Variants in CAPN8 observed in about 807,000 individuals in gnomAD.
CAPN8 encodes the protein calpain 8.
In CAPN8, 87 loss-of-function variants were observed where a neutral mutation model predicts 80.9. That is an observed-to-expected ratio of 1.07 (90% CI 0.90 to 1.28). The LOEUF (loss-of-function observed/expected upper bound fraction) is 1.28, where lower values mean the gene tolerates loss of function less well. CAPN8 is among the 50% of genes most tolerant of loss of function. The probability of loss-of-function intolerance (pLI) is 0.00; values close to 1 mark genes in which losing one functional copy is unlikely to be tolerated. For missense variants in CAPN8, 757 were observed against 702.0 expected (o/e 1.08, Z -0.89); for synonymous variants, 299 against 273.8 (o/e 1.09, Z -0.91).
At chr1:223,638,806 C>G (rs1022848344) in intron 2 of CAPN8, among the ~76,000 whole-genome samples, 2 of 152,214 alleles carry the variant, frequency 1.3e-5, no homozygotes, top group Admixed American at 1.3e-4. Flanking sequence ...CCATTCACCC[C>G]GTTACCACCT....
intron 2 of CAPN8, among the ~76,000 whole-genome samples, chr1:223,645,587 T>C (rs1658169475): frequency 2.0e-5 from 3 of 152,164 alleles, no homozygotes; most frequent in African/African-American, 7.2e-5. Flanking sequence ...CATTGCCCTG[T>C]TAAATGATGG....
intron 9 of CAPN8, chr1:223,617,234 C>G (rs1278897796): frequency 2.0e-5 from 3 of 148,472 alleles, no homozygotes; most frequent in Non-Finnish European, 4.5e-5. Context: ...AGTAGGATTA[C>G]TTATTCAATT....
intron 9 of CAPN8, among the ~76,000 whole-genome samples, chr1:223,616,642 T>G (rs1558341735): frequency 6.6e-6 from 1 of 152,170 alleles, no homozygotes; most frequent in Non-Finnish European, 1.5e-5. Context: ...CGTGACACTA[T>G]TAAGACAACT....
At chr1:223,556,883 G>A (rs910000087) in intron 13 of CAPN8, among the ~76,000 whole-genome samples, 6 of 152,184 alleles carry the variant, frequency 3.9e-5, no homozygotes, top group Admixed American at 6.5e-5. Flanking sequence ...CACCGTGAGC[G>A]ATAAGTCCTC....
chr1:223,665,532 A>T lies in CAPN8; in HGVS notation c.115T>A (p.Cys39Ser), dbSNP rs368586477. The T allele has an allele frequency of 4.1e-5, 63 of 1,551,640 alleles. No homozygotes were observed. Among genetic ancestry groups the T allele is most frequent in the Admixed American group, 2.0e-5 (1 of 50,992 alleles). The change falls in exon 1 of 21, where the codon TGC becomes AGC. Residue 39 changes from cysteine (C) to serine (S), a missense_variant. Transcript: ENST00000366872. ...GQDFKTLRQQ[C>S]LDSGVLFKDP... Reference sequence around the variant, plus strand: ...TTAAATAGGACCCCTGAGTCCAAGCACTGTTGCCTCAGGGTCTTGAAATCC... The same window carrying T: ...TTAAATAGGACCCCTGAGTCCAAGCTCTGTTGCCTCAGGGTCTTGAAATCC...
chr1:223,625,939 C>G, intron 5 of CAPN8, 51 bp from the exon 6 acceptor site: 1 of 1,445,088 alleles, frequency 6.9e-7, no homozygotes, highest in Non-Finnish European at 9.5e-7. Context: ...CTCTCAGGGG[C>G]CGGCCGTAGA....
rs374239437 is a variant in CAPN8 at position 223,665,400 on chromosome 1, G to A, written c.237+10C>T. The A allele has an allele frequency of 7.8e-6, 12 of 1,547,544 alleles. No homozygotes were observed. Among genetic ancestry groups the A allele is most frequent in the South Asian group, 4.8e-5 (4 of 83,924 alleles). On this transcript the variant is annotated intron_variant, in intron 1 of 20. Transcript: ENST00000366872. ...TTGTATGTCACTCAACAGCAAGCCC[G>A]CTTCCTTACCGTGGGCCGCTTCCAG...
chr1:223,615,656 C>A (rs1657148598), intron 10 of CAPN8: 1 of 476,654 alleles, frequency 2.1e-6, no homozygotes, highest in Non-Finnish European at 4.1e-6. Flanking sequence ...ATGTTCTTGG[C>A]TCTTGTCCCT....
intron 1 of CAPN8, among the ~76,000 whole-genome samples, chr1:223,662,743 G>A (rs1658680939): frequency 6.6e-6 from 1 of 152,170 alleles, no homozygotes; most frequent in South Asian, 2.1e-4. Context: ...CACATTTCTG[G>A]ATACCCTGAT....
intron 2 of CAPN8, among the ~76,000 whole-genome samples, chr1:223,645,497 C>T (rs1324909362): frequency 6.6e-6 from 1 of 152,100 alleles, no homozygotes; most frequent in East Asian, 1.9e-4. Context: ...AGCAGACACG[C>T]AAAACAAGTC....
intron 2 of CAPN8, among the ~76,000 whole-genome samples, chr1:223,648,364 A>G (rs1658248139): frequency 6.6e-6 from 1 of 152,212 alleles, no homozygotes; most frequent in African/African-American, 2.4e-5. Flanking sequence ...ATCAATGAGT[A>G]GATTTGGCCC....
At chr1:223,643,793 C>T (rs1283781334) in intron 2 of CAPN8, among the ~76,000 whole-genome samples, 1 of 152,192 alleles carries the variant, frequency 6.6e-6, no homozygotes, top group Non-Finnish European at 1.5e-5. Context: ...AGAAAGTCCC[C>T]AGGGTCCGCA....
chr1:223,618,444 C>T (rs1657270077), intron 9 of CAPN8, among the ~76,000 whole-genome samples: 1 of 152,226 alleles, frequency 6.6e-6, no homozygotes, highest in South Asian at 2.1e-4. Flanking sequence ...GCCATCACGG[C>T]CCACGCTGTC....
intron 2 of CAPN8, among the ~76,000 whole-genome samples, chr1:223,629,232 T>TGTGTGTGTGTGTGTGTGTATG (rs68132305): frequency 6.8e-5 from 9 of 132,618 alleles, no homozygotes; most frequent in Admixed American, 7.5e-5. Context: ...GTGTGTGTGT[T>TGTGTGTGTGTGTGTGTGTATG]TATGTTCCTT....
chr1:223,550,208 G>A (rs1230650537), intron 15 of CAPN8, among the ~76,000 whole-genome samples: 1 of 152,212 alleles, frequency 6.6e-6, no homozygotes, highest in East Asian at 1.9e-4. Flanking sequence ...CAAGAGTGGT[G>A]TGGAGAGGAG....
Position 223,618,295 on chromosome 1 carries a change from C to A in CAPN8, c.1135+998G>T, listed in dbSNP as rs769197017. 7.7e-6 allele frequency: 12 copies of A among 1,550,538 alleles called. No individual in the cohort carries two copies. The South Asian group carries it at 1.4e-4, about 18-fold the overall frequency. ...CCTAGGAGGAGCCTACACAGGGACA[C>A]ATTAGTGATCTTCTGCGAGCCAGGA... On this transcript the variant is annotated intron_variant, in intron 9 of 20. Transcript: ENST00000366872.
intron 7 of CAPN8, chr1:223,622,528 C>T (rs1173840866): frequency 4.3e-6 from 2 of 463,360 alleles, no homozygotes; most frequent in Non-Finnish European, 7.7e-6. Flanking sequence ...CACGGTGCGT[C>T]AGGTAAAAAA....
chr1:223,558,447 C>T (rs1432953088), intron 12 of CAPN8, among the ~76,000 whole-genome samples: 2 of 152,196 alleles, frequency 1.3e-5, no homozygotes, highest in African/African-American at 4.8e-5. Context: ...GGATCACTCC[C>T]AGGGACAAAA....
intron 14 of CAPN8, among the ~76,000 whole-genome samples, chr1:223,551,539 T>C (rs1017038548): frequency 6.6e-6 from 1 of 152,232 alleles, no homozygotes; most frequent in African/African-American, 2.4e-5. Flanking sequence ...GTTAGTGCCA[T>C]GAGTGTGGTA....
Sources: allele counts gnomAD v4.1 joint callset (sites outside exome capture counted in the v4.1 genomes callset), GRCh38; gene constraint gnomAD v4.1.1; transcripts MANE v1.5; gene names NCBI Gene and HGNC (gene_info 2026-07-23, HGNC 2026-07-21).